The following WDR72 variants were observed in gnomAD, a reference collection of about 807,000 sequenced individuals.
The protein encoded by WDR72 is WD repeat-containing protein 72.
WDR72 carries 120 observed loss-of-function variants against 124.2 expected under a neutral mutation model. The observed-to-expected ratio is 0.97, with a 90% CI of 0.83 to 1.12. WDR72 has a LOEUF of 1.12. Among genes scored for constraint, WDR72 ranks in the 50% most tolerant of loss-of-function variants. WDR72 has a pLI of 0.00. For missense variants in WDR72, 1,387 were observed against 1,278.8 expected (o/e 1.08, Z -1.29); for synonymous variants, 452 against 441.7 (o/e 1.02, Z -0.29).
intron 18 of WDR72, among the ~76,000 whole-genome samples, chr15:53,528,146 A>G (rs990190714): frequency 6.6e-6 from 1 of 152,102 alleles, no homozygotes; most frequent in Admixed American, 6.6e-5. Flanking sequence ...ATGTCATTTG[A>G]ACAGACTCCA....
intron 18 of WDR72, among the ~76,000 whole-genome samples, chr15:53,560,796 AC>A (rs1014302209): frequency 1.3e-4 from 19 of 151,798 alleles, no homozygotes; most frequent in Admixed American, 9.9e-4. Flanking sequence ...AAAATTATTA[AC>A]CTTAAAATAA....
At chr15:53,644,913 G>T (rs1484938575) in intron 14 of WDR72, among the ~76,000 whole-genome samples, 1 of 152,062 alleles carries the variant, frequency 6.6e-6, no homozygotes, top group African/African-American at 2.4e-5. Flanking sequence ...CGCATCTTGG[G>T]TATCAGCAGG....
intron 2 of WDR72, among the ~76,000 whole-genome samples, chr15:53,725,860 T>C (rs2018008455): frequency 6.6e-6 from 1 of 152,042 alleles, no homozygotes; most frequent in Non-Finnish European, 1.5e-5. Flanking sequence ...TGTATGATGC[T>C]ATAATAATGG....
chr15:53,730,333 A>C (rs1421184965), intron 2 of WDR72, among the ~76,000 whole-genome samples: 5 of 152,230 alleles, frequency 3.3e-5, no homozygotes, highest in African/African-American at 1.2e-4. Flanking sequence ...AGAGATAGAA[A>C]GTATCTCAGT....
intron 14 of WDR72, among the ~76,000 whole-genome samples, chr15:53,655,198 T>C (rs2414254): frequency 0.4 from 52,119 of 128,764 alleles, 11,495 homozygotes; most frequent in Middle Eastern, 0.66. Flanking sequence ...ACCACTTCAC[T>C]CCAGCCTGGG....
At chr15:53,685,322 A>C (rs1292407348) in intron 13 of WDR72, among the ~76,000 whole-genome samples, 1 of 131,688 alleles carries the variant, frequency 7.6e-6, no homozygotes, top group African/African-American at 3.0e-5. Context: ...AAAAAAATTT[A>C]GAAGAATGTA....
At chr15:53,632,716 G>C (rs951939893) in intron 14 of WDR72, among the ~76,000 whole-genome samples, 1 of 152,192 alleles carries the variant, frequency 6.6e-6, no homozygotes, top group Non-Finnish European at 1.5e-5. Context: ...CCCTTGCACC[G>C]GTGTGCCCTG....
chr15:53,650,894 T>C (rs1313736008), intron 14 of WDR72, among the ~76,000 whole-genome samples: 1 of 13,178 alleles, frequency 7.6e-5, no homozygotes, highest in Non-Finnish European at 1.8e-4. Flanking sequence ...TCTAATTCAG[T>C]TTTTTTTTTT....
chr15:53,641,856 G>C (rs2926882), intron 14 of WDR72, among the ~76,000 whole-genome samples: 10,387 of 151,656 alleles, frequency 0.068, 1,163 homozygotes, highest in African/African-American at 0.24. Flanking sequence ...TAGGTTTTCT[G>C]ATCTATTAAT....
rs570363059 is a variant in WDR72 at position 53,675,446 on chromosome 15, A to G, written c.1766-9678T>C. On this transcript the variant is annotated intron_variant, in intron 13 of 19. Coordinates refer to ENST00000360509, the MANE Select transcript of WDR72 (RefSeq NM_182758.4). ...TTTAAGAGGTAGATATTCACAGCCA[A>G]GTGTTTCTTAAGTATAACGTAAAGA... Among the ~76,000 whole-genome samples, 8 of 152,292 alleles carry G rather than the reference A, an allele frequency of 5.3e-5. No homozygotes were observed. The East Asian group carries it at 1.5e-3, about 29-fold the overall frequency.
rs1891898194 is a variant in WDR72, at chr15:53,523,241, G to A, written c.3230C>T (p.Ala1077Val). The A allele has an allele frequency of 6.2e-7, 1 of 1,612,940 alleles. No individual in the cohort carries two copies. The highest frequency in any genetic ancestry group is 1.7e-5 in the Admixed American group (1 of 59,930). ...QDVEDMPDRC[A>V]LEESESPGEP... The stretch of plus-strand genomic sequence containing the variant: ...ACCTGGACTCTCAGACTCTTCCAAG[G>A]CACATCTGTCAGGCATGTCCTCCAC... The change falls in exon 19 of 20, where the codon GCC becomes GTC. Residue 1077 changes from alanine to valine, a missense_variant. By Grantham distance (64) the Ala-to-Val change is moderately conservative. Transcript: ENST00000360509.
intron 9 of WDR72, among the ~76,000 whole-genome samples, chr15:53,708,678 GTCATCATCATCACCA>G (rs367776211): frequency 3.9e-5 from 6 of 152,228 alleles, no homozygotes; most frequent in Admixed American, 6.5e-5. Context: ...TGAAGTTTTT[GTCATCATCATCACCA>G]TCATCATCAT....
intron 18 of WDR72, among the ~76,000 whole-genome samples, chr15:53,586,394 C>A (rs1359576035): frequency 6.6e-6 from 1 of 152,026 alleles, no homozygotes; most frequent in Non-Finnish European, 1.5e-5. Flanking sequence ...AAATTATGTT[C>A]CCAATCATAA....
chr15:53,716,772 A>T (rs2017724344), intron 3 of WDR72, 87 bp from the exon 4 acceptor site: 18 of 416,162 alleles, frequency 4.3e-5, no homozygotes, highest in Non-Finnish European at 7.5e-5. Flanking sequence ...TTTCTTTAGC[A>T]GCCTGATCAT....
chr15:53,572,600 G>GA (rs1037006215), intron 18 of WDR72, among the ~76,000 whole-genome samples: 99 of 152,106 alleles, frequency 6.5e-4, no homozygotes, highest in African/African-American at 2.2e-3. Flanking sequence ...TCATTCAAAT[G>GA]AAAAAAAATT....
intron 13 of WDR72, among the ~76,000 whole-genome samples, chr15:53,688,470 C>T (rs1214146156): frequency 6.6e-6 from 1 of 151,576 alleles, no homozygotes; most frequent in East Asian, 1.9e-4. Flanking sequence ...ACAATTGCTT[C>T]AAAGAGAATA....
rs1221799693 is a variant in WDR72, at chr15:53,722,894, T to C, written c.168A>G (p.Glu56=). 3.1e-6 allele frequency: 5 copies of C among 1,613,996 alleles called. No individual in the cohort carries two copies. In the South Asian group the frequency reaches 4.4e-5, roughly 14 times the overall value. The change falls in exon 3 of 20, where the codon GAA becomes GAG. Residue 56 remains glutamate (E), a synonymous_variant. Coordinates refer to ENST00000360509, the MANE Select transcript of WDR72 (RefSeq NM_182758.4). ...CCGAAGCTGAATGACCAAATAGGAG[T>C]TCTTTCGCTGAAATCTGAAAATAAT... is the stretch of plus-strand genomic sequence containing the variant. ...LSHELKISAK[E]LLFGHSASVT...
chr15:53,715,952 T>C (rs749840146), intron 4 of WDR72, among the ~76,000 whole-genome samples: 3 of 152,240 alleles, frequency 2.0e-5, no homozygotes, highest in Non-Finnish European at 2.9e-5. Context: ...AAATCTTTTA[T>C]TAAAGATCAA....
chr15:53,713,205 A>AG (rs397768890), intron 6 of WDR72, among the ~76,000 whole-genome samples: 3 of 150,780 alleles, frequency 2.0e-5, no homozygotes, highest in Non-Finnish European at 4.4e-5. Context: ...AAAAAAAAAA[A>AG]GCTGTGATCA....
Sources: gnomAD v4.1 joint callset for allele counts (sites outside exome capture counted in the v4.1 genomes callset) on GRCh38, gnomAD v4.1.1 for gene constraint, MANE v1.5 for transcripts, NCBI Gene and HGNC (gene_info 2026-07-23, HGNC 2026-07-21) for gene names.